The following CCDC102B variants were observed in gnomAD, a reference collection of about 807,000 sequenced individuals.
CCDC102B encodes coiled-coil domain containing 102B.
In CCDC102B, 75 loss-of-function variants were observed where a neutral mutation model predicts 57.4. That is an observed-to-expected ratio of 1.31 (90% confidence interval 1.08 to 1.58). The LOEUF (loss-of-function observed/expected upper bound fraction) is 1.58. Ranked by LOEUF, CCDC102B falls within the 40% of genes most tolerant of loss-of-function variation. The pLI is 0.00. For missense variants in CCDC102B, 636 were observed against 582.6 expected (o/e 1.09, Z -0.94); for synonymous variants, 206 against 201.9 (o/e 1.02, Z -0.17).
intron 6 of CCDC102B, among the ~76,000 whole-genome samples, chr18:68,956,347 T>TAAA (rs1568351856): frequency 8.9e-4 from 26 of 29,378 alleles, no homozygotes; most frequent in Admixed American, 2.2e-3. Flanking sequence ...ATAATATATA[T>TAAA]ATTAATATAT....
intron 1 of CCDC102B, among the ~76,000 whole-genome samples, chr18:68,799,346 A>C (rs523700): frequency 0.24 from 36,278 of 152,008 alleles, 4,717 homozygotes; most frequent in East Asian, 0.4. Context: ...AATCATAGAT[A>C]ATTTCATTGT....
At chr18:68,798,303 T>C (rs972492801) in intron 1 of CCDC102B, 122 bp downstream of exon 1, 4 of 152,160 alleles carry the variant, frequency 2.6e-5, no homozygotes, top group African/African-American at 7.2e-5. Flanking sequence ...AAAACTACTG[T>C]AGAGCTGGGA....
intron 7 of CCDC102B, among the ~76,000 whole-genome samples, chr18:69,026,100 G>T (rs888647210): frequency 1.3e-5 from 2 of 152,112 alleles, no homozygotes; most frequent in Non-Finnish European, 2.9e-5. Flanking sequence ...CTCATTCTGC[G>T]GGGGAGAACG....
At chr18:68,966,345 C>T (rs898471189) in intron 6 of CCDC102B, among the ~76,000 whole-genome samples, 7 of 152,086 alleles carry the variant, frequency 4.6e-5, no homozygotes, top group African/African-American at 1.7e-4. Context: ...AACTCACAAT[C>T]CTTTGTTAAG....
intron 6 of CCDC102B, among the ~76,000 whole-genome samples, chr18:68,994,191 G>A (rs945870957): frequency 3.3e-5 from 5 of 152,076 alleles, no homozygotes; most frequent in East Asian, 1.9e-4. Flanking sequence ...AATTGCTTTG[G>A]TCACTATAAA....
At chr18:68,900,866 G>A (rs1391075948) in intron 6 of CCDC102B, among the ~76,000 whole-genome samples, 2 of 152,004 alleles carry the variant, frequency 1.3e-5, no homozygotes, top group African/African-American at 4.8e-5. Flanking sequence ...CATACAACTA[G>A]GCACCCAATA....
chr18:68,857,582 C>T, intron 4 of CCDC102B, among the ~76,000 whole-genome samples: 1 of 150,628 alleles, frequency 6.6e-6, no homozygotes, highest in East Asian at 1.9e-4. Context: ...AATACAAAAC[C>T]ATATGCCAAT....
chr18:68,872,701 CTTGTTTT>C (rs1377115270), intron 4 of CCDC102B, among the ~76,000 whole-genome samples: 1 of 151,974 alleles, frequency 6.6e-6, no homozygotes, highest in Non-Finnish European at 1.5e-5. Flanking sequence ...CCTCCCTTTT[CTTGTTTT>C]TTATTTCCCC....
At chr18:68,962,329 G>A (rs1442918426) in intron 6 of CCDC102B, among the ~76,000 whole-genome samples, 1 of 151,986 alleles carries the variant, frequency 6.6e-6, no homozygotes, top group Non-Finnish European at 1.5e-5. Flanking sequence ...CCATTTATCT[G>A]CAACTATCCA....
At chr18:68,932,363 G>T (rs1034786839) in intron 6 of CCDC102B, among the ~76,000 whole-genome samples, 53 of 151,800 alleles carry the variant, frequency 3.5e-4, no homozygotes, top group African/African-American at 1.2e-3. Context: ...ACTATTATTT[G>T]TATAGATATA....
chr18:69,004,993 A>T (rs1179171028), intron 6 of CCDC102B, among the ~76,000 whole-genome samples: 1 of 152,208 alleles, frequency 6.6e-6, no homozygotes, highest in Non-Finnish European at 1.5e-5. Context: ...TATGAATAAC[A>T]TTGAATTTAT....
At chr18:68,786,896 G>C (rs1253050427) in intron 2 of CCDC102B, among the ~76,000 whole-genome samples, 1 of 152,186 alleles carries the variant, frequency 6.6e-6, no homozygotes, top group Non-Finnish European at 1.5e-5. Context: ...GAGCATCCCT[G>C]TCTTGTGCCA....
chr18:68,924,243 A>G (rs773781884), intron 6 of CCDC102B, among the ~76,000 whole-genome samples: 42 of 151,924 alleles, frequency 2.8e-4, no homozygotes, highest in Middle Eastern at 3.4e-3. Flanking sequence ...TTAAATTGTA[A>G]TCCCCATAAT....
intron 1 of CCDC102B, among the ~76,000 whole-genome samples, chr18:68,815,749 T>G (rs1012975127): frequency 5.9e-5 from 9 of 151,914 alleles, no homozygotes; most frequent in Non-Finnish European, 1.0e-4. Context: ...ACTTCTTTTT[T>G]TCATCTTTTT....
At chr18:68,882,550 A>G (rs1312362559) in intron 5 of CCDC102B, among the ~76,000 whole-genome samples, 1 of 152,244 alleles carries the variant, frequency 6.6e-6, no homozygotes, top group Non-Finnish European at 1.5e-5. Context: ...AAGTTATTGT[A>G]AACATGTAAC....
At chr18:69,020,152 G>A (rs1042908858) in intron 7 of CCDC102B, among the ~76,000 whole-genome samples, 1 of 152,056 alleles carries the variant, frequency 6.6e-6, no homozygotes, top group African/African-American at 2.4e-5. Context: ...ATTACTTTGT[G>A]TTAAAAGATA....
chr18:68,928,604 G>T (rs776536323), intron 6 of CCDC102B, among the ~76,000 whole-genome samples: 1 of 151,840 alleles, frequency 6.6e-6, no homozygotes, highest in African/African-American at 2.4e-5. Flanking sequence ...GCTTGTCAGA[G>T]GGGAGGAAAT....
intron 7 of CCDC102B, among the ~76,000 whole-genome samples, chr18:69,026,032 C>G (rs1326938389): frequency 6.6e-6 from 1 of 152,112 alleles, no homozygotes; most frequent in Non-Finnish European, 1.5e-5. Flanking sequence ...TGTGCACAAT[C>G]CTTGTCAAGC....
intron 4 of CCDC102B, among the ~76,000 whole-genome samples, chr18:68,873,742 A>G (rs1036456125): frequency 1.3e-5 from 2 of 152,108 alleles, no homozygotes; most frequent in Non-Finnish European, 2.9e-5. Flanking sequence ...TTAAACAGAT[A>G]GTATAACATT....
Sources: allele counts gnomAD v4.1 joint callset (sites outside exome capture counted in the v4.1 genomes callset), GRCh38; gene constraint gnomAD v4.1.1; transcripts MANE v1.5; gene names NCBI Gene and HGNC (gene_info 2026-07-23, HGNC 2026-07-21).